DOK7: variants seen among roughly 807,000 people sequenced by gnomAD.
DOK7 encodes protein Dok-7.
A neutral mutation model predicts 30.7 loss-of-function variants in DOK7; 32 were observed. The observed-to-expected ratio is 1.04, with a 90% CI of 0.79 to 1.40. DOK7 has a LOEUF of 1.40. Among genes scored for constraint, DOK7 ranks in the 40% most tolerant of loss-of-function variants. DOK7 has a pLI of 0.00. For synonymous variants in DOK7, 447 were observed against 324.1 expected, an observed-to-expected ratio of 1.38 and a Z score of -4.07; for missense variants, 1,007 against 699.2, an observed-to-expected ratio of 1.44 and a Z score of -4.97.
At chr4:3,501,075 T>G in exon 8 of DOK7, 1 of 535,098 alleles carries the variant, frequency 1.9e-6, no homozygotes, top group East Asian at 3.3e-5. Flanking sequence ...CCAGGCTGAC[T>G]GAGGCCCTGC....
At chr4:3,485,175 G>C in intron 4 of DOK7, among the ~76,000 whole-genome samples, 1 of 152,204 alleles carries the variant, frequency 6.6e-6, no homozygotes, top group East Asian at 1.9e-4. Flanking sequence ...GTGGGCGGGG[G>C]CACCCATCTG....
chr4:3,481,462 G>A (rs1206774660), intron 4 of DOK7, among the ~76,000 whole-genome samples: 1 of 152,004 alleles, frequency 6.6e-6, no homozygotes, highest in African/African-American at 2.4e-5. Context: ...CTAGAGTGGT[G>A]CCCCTGGACT....
rs1726073976 is a variant in DOK7 at position 3,463,424 on chromosome 4, A to C, written c.49A>C (p.Lys17Gln). 1 of 1,310,000 alleles carries C rather than the reference A, an allele frequency of 7.6e-7. No homozygotes were observed. Among genetic ancestry groups the C allele is most frequent in the Admixed American group, 2.8e-5 (1 of 35,396 alleles). 81.1% of individuals were successfully genotyped at this position (1,310,000 alleles called of 1,614,324 possible). A position where few individuals can be genotyped will look rare whatever the true frequency, so the allele number is the denominator to read the frequency against. Residue 17 changes from lysine (K) to glutamine (Q), a missense_variant, in exon 1 of 7, where the codon AAG (lysine) becomes CAG (glutamine). Lys to Gln is a moderately conservative substitution (Grantham distance 53, BLOSUM62 1). Transcript: ENST00000340083. ...VEGQVKLRDGKKWKSRWLVLR... is the reference protein window; with the variant it reads ...VEGQVKLRDGQKWKSRWLVLR... ...GGGCCAGGTCAAGCTGCGGGACGGC[A>C]AGAAGGTCGGGGCGCGTCGGGGGCG...
rs1286550432 is a variant in DOK7 at position 3,490,132 on chromosome 4, C to T, written c.772+336C>T. On this transcript the variant is annotated intron_variant, in intron 6 of 6. Transcript: ENST00000340083. ...CCCCCATTCATTCCTTTTCTCCCTGCTCATTCATTCCTTCCTTCCCCACCC... is the reference window on the plus strand; with the variant it reads ...CCCCCATTCATTCCTTTTCTCCCTGTTCATTCATTCCTTCCTTCCCCACCC... Among the ~76,000 whole-genome samples, 16 of 129,300 alleles carry T rather than the reference C, an allele frequency of 1.2e-4. 1 individual carries two copies. Among genetic ancestry groups the T allele is most frequent in the Non-Finnish European group, 1.8e-4 (11 of 60,964 alleles). 84.8% of individuals were successfully genotyped at this position (129,300 alleles called of 152,430 possible).
rs1049019660 is a variant in DOK7, at chr4:3,492,939, C to T, written c.953C>T (p.Pro318Leu). The T allele has an allele frequency of 3.1e-5, 48 of 1,556,180 alleles. No homozygotes were observed. The highest frequency in any genetic ancestry group is 3.8e-5 in the Non-Finnish European group (44 of 1,153,570). Residue 318 changes from proline to leucine, a missense_variant, in exon 7 of 7, where the codon CCC (proline) becomes CTC (leucine). Pro to Leu is a moderately conservative substitution (Grantham distance 98). Transcript: ENST00000340083. ...GEAMVGASRP[P>L]PKPLRPRQLQ... ...GCCATGGTGGGTGCCTCAAGGCCAC[C>T]CCCCAAGCCGCTGCGTCCGCGGCAG...
At chr4:3,464,681 G>A (rs1726174139) in intron 2 of DOK7, among the ~76,000 whole-genome samples, 5 of 152,164 alleles carry the variant, frequency 3.3e-5, no homozygotes, top group African/African-American at 7.2e-5. Context: ...AGCCGGTGCA[G>A]ACCCTCCAGA....
chr4:3,491,414 C>CCTGCTCACCCCAG (rs1560229515), intron 6 of DOK7, among the ~76,000 whole-genome samples: 3 of 49,962 alleles, frequency 6.0e-5, no homozygotes, highest in Non-Finnish European at 1.3e-4. Context: ...CAGCTTCCTT[C>CCTGCTCACCCCAG]TTTCCTTCTT....
intron 2 of DOK7, among the ~76,000 whole-genome samples, chr4:3,469,928 C>T (rs1389384539): frequency 2.0e-5 from 3 of 152,198 alleles, no homozygotes; most frequent in East Asian, 1.9e-4. Flanking sequence ...TCTGACCTCT[C>T]GGCTTCTGTT....
At chr4:3,469,196 T>C (rs1726597401) in intron 2 of DOK7, among the ~76,000 whole-genome samples, 1 of 151,742 alleles carries the variant, frequency 6.6e-6, no homozygotes, top group South Asian at 2.1e-4. Flanking sequence ...AGTGTGCATG[T>C]ATGAGTGTGT....
intron 5 of DOK7, among the ~76,000 whole-genome samples, chr4:3,489,009 A>T (rs1481134541): frequency 6.6e-6 from 1 of 152,150 alleles, no homozygotes; most frequent in Admixed American, 6.5e-5. Flanking sequence ...GGCCAGTGAG[A>T]GGTCCCACCC....
downstream of DOK7, among the ~76,000 whole-genome samples, chr4:3,495,307 C>A (rs531806668): frequency 6.6e-6 from 1 of 150,602 alleles, no homozygotes; most frequent in Admixed American, 6.5e-5. Flanking sequence ...TGCTGGGGAG[C>A]CAGGCCCTTC....
intron 6 of DOK7, among the ~76,000 whole-genome samples, chr4:3,491,055 T>TC (rs1340701403): frequency 8.0e-4 from 67 of 83,968 alleles, no homozygotes; most frequent in African/African-American, 3.0e-3. Flanking sequence ...TCCTTTCTTT[T>TC]CCCCCGGCTC....
chr4:3,475,497 G>A (rs1396841691), intron 3 of DOK7, among the ~76,000 whole-genome samples: 6 of 152,238 alleles, frequency 3.9e-5, no homozygotes, highest in Non-Finnish European at 2.9e-5. Context: ...TGGGAAGACA[G>A]GGGAGGTGGG....
chr4:3,499,927 G>C (rs922107014), intron 6 of DOK7, among the ~76,000 whole-genome samples: 3 of 151,982 alleles, frequency 2.0e-5, no homozygotes, highest in East Asian at 3.9e-4. Flanking sequence ...GGCGAGGGGC[G>C]CAGGGACAGA....
In DOK7 at chr4:3,493,992, G is replaced by A. The variant is rs1577185884; in HGVS notation, c.*491G>A. ...CGGCCACCTGGGCTCCACCAGCCCAGCCCCCCTGGGCTCCGTGTGCGCTGG... is the reference window on the plus strand; with the variant it reads ...CGGCCACCTGGGCTCCACCAGCCCAACCCCCCTGGGCTCCGTGTGCGCTGG... On this transcript the variant is annotated 3_prime_UTR_variant, in exon 7 of 7. Transcript: ENST00000340083. The A allele has an allele frequency of 1.0e-6, 1 of 972,868 alleles. No homozygotes were observed. The highest frequency in any genetic ancestry group is 1.2e-6 in the Non-Finnish European group (1 of 828,516). The allele number at this position is 972,868 out of a possible 1,614,324, so 60.3% of individuals were successfully genotyped here. A position where few individuals can be genotyped will look rare whatever the true frequency, so the allele number is the denominator to read the frequency against.
chr4:3,494,029 A>G lies in DOK7; in HGVS notation c.*528A>G. 2.0e-6 allele frequency: 2 copies of G among 988,486 alleles called. No homozygotes were observed. Among genetic ancestry groups the G allele is most frequent in the South Asian group, 4.7e-5 (1 of 21,366 alleles). 61.2% of individuals were successfully genotyped at this position (988,486 alleles called of 1,614,324 possible). ...TCCGTGTGCGCTGGGCCTCATCCCC[A>G]TCTATGGGAGGAAACTGAAGCTCAG... On this transcript the variant is annotated 3_prime_UTR_variant, in exon 7 of 7. Transcript: ENST00000340083.
chr4:3,467,974 G>A (rs191004399), intron 2 of DOK7, among the ~76,000 whole-genome samples: 73 of 152,316 alleles, frequency 4.8e-4, no homozygotes, highest in African/African-American at 1.7e-3. Flanking sequence ...CATCCCAAAG[G>A]CCCCACCACT....
At chr4:3,489,899 C>CTCAT in intron 6 of DOK7, 103 bp downstream of exon 6, 3 of 1,472,894 alleles carry the variant, frequency 2.0e-6, no homozygotes, top group Non-Finnish European at 2.7e-6. Flanking sequence ...GCTCCCTCTG[C>CTCAT]TCATTCATTC....
intron 4 of DOK7, among the ~76,000 whole-genome samples, chr4:3,480,501 C>T (rs1438129409): frequency 1.3e-5 from 2 of 152,104 alleles, no homozygotes; most frequent in African/African-American, 4.8e-5. Context: ...CCAGCTACTC[C>T]AGAGGCTGAG....
Sources: gnomAD v4.1 joint callset for allele counts (sites outside exome capture counted in the v4.1 genomes callset) on GRCh38, gnomAD v4.1.1 for gene constraint, MANE v1.5 for transcripts, NCBI Gene and HGNC (gene_info 2026-07-23, HGNC 2026-07-21) for gene names.